The following KRT9 variants were observed in gnomAD, a reference collection of about 807,000 sequenced individuals.
The protein encoded by KRT9 is keratin 9.
A neutral mutation model predicts 51.4 loss-of-function variants in KRT9; 34 were observed. The ratio of observed to expected loss-of-function variants is 0.66; its 90% CI spans 0.50 to 0.88. The LOEUF (loss-of-function observed/expected upper bound fraction) is 0.88, where lower values mean the gene tolerates loss of function less well. Among genes scored for constraint, KRT9 ranks in the 40% least tolerant of loss-of-function variants. The probability of loss-of-function intolerance (pLI) is 0.00; values close to 1 mark genes in which losing one functional copy is unlikely to be tolerated. For synonymous variants in KRT9, 292 were observed against 289.7 expected (o/e 1.01, Z -0.08); for missense variants, 753 against 790.3 (o/e 0.95, Z 0.57).
intron 4 of KRT9, 85 bp downstream of exon 4, chr17:41,569,341 G>A (rs965491361): frequency 3.1e-6 from 4 of 1,310,772 alleles, no homozygotes; most frequent in Non-Finnish European, 4.3e-6. Context: ...GCAGAGATAG[G>A]AGGATGAAGG....
rs766598786 is a variant in KRT9 at position 41,571,924 on chromosome 17, G to T, written c.69C>A (p.Gly23=). 6.3e-7 allele frequency: 1 copy of T among 1,583,402 alleles called. No homozygotes were observed. The highest frequency in any genetic ancestry group is 1.8e-5 in the Admixed American group (1 of 56,342). The part of the protein sequence containing the change: ...RSGGGGGGGL[G]SGGSIRSSYS... Reference sequence around the variant, plus strand: ...AGGAAGACCTTATGCTGCCCCCGCTGCCCAGGCCGCCCCCGCCACCCCCGC... The same window carrying T: ...AGGAAGACCTTATGCTGCCCCCGCTTCCCAGGCCGCCCCCGCCACCCCCGC... Residue 23 remains glycine, a synonymous_variant, in exon 1 of 8, where the codon GGC becomes GGA. Transcript: ENST00000246662.
At position 41,571,606 on chromosome 17, in the gene KRT9, A is replaced by C. The variant is rs1597794685; in HGVS notation, c.387T>G (p.Ser129Arg). The C allele has an allele frequency of 6.2e-7, 1 of 1,601,622 alleles. No homozygotes were observed. Among genetic ancestry groups the C allele is most frequent in the African/African-American group, 1.4e-5 (1 of 73,122 alleles). ...CAAAGCCCCCAAACCCCCCAAACCC[A>C]CTCCCATAGCCACCACCAAAGCCAC... ...SGGGFGGGYG[S>R]GFGGFGGFGG... The change falls in exon 1 of 8, where the codon AGT becomes AGG. Residue 129 changes from serine to arginine, a missense_variant. Ser to Arg is a moderately radical substitution (Grantham distance 110, BLOSUM62 -1). Around this residue, in one of 3 missense-constraint regions of KRT9, gnomAD observed 241 missense variants for 210.3 expected, o/e 1.15. Coordinates refer to ENST00000246662, the MANE Select transcript of KRT9 (RefSeq NM_000226.4).
intron 7 of KRT9, among the ~76,000 whole-genome samples, chr17:41,566,544 TC>T (rs1178039660): frequency 6.6e-6 from 1 of 152,220 alleles, no homozygotes; most frequent in Non-Finnish European, 1.5e-5. Context: ...GCAGGGCAGC[TC>T]CCAAGCACCT....
chr17:41,567,622 C>T lies in KRT9; in HGVS notation c.1523G>A (p.Gly508Glu). The T allele has an allele frequency of 6.3e-7, 1 of 1,578,638 alleles. No homozygotes were observed. Among genetic ancestry groups the T allele is most frequent in the Non-Finnish European group, 8.6e-7 (1 of 1,162,614 alleles). ...GGGGSGGGYGGGSGSRGGSGG... is the reference protein window; with the variant it reads ...GGGGSGGGYGEGSGSRGGSGG... ...ACTTCCTCCCCTGGACCCACTTCCT[C>T]CACCATAGCCACCTCCACTTCCTCC... Residue 508 changes from glycine (G) to glutamate (E), a missense_variant, in exon 7 of 8, where the codon GGA becomes GAA. Around this residue, in one of 3 missense-constraint regions of KRT9, gnomAD observed 507 missense variants for 563.7 expected, o/e 0.90. Transcript: ENST00000246662.
chr17:41,571,594 C>T lies in KRT9; in HGVS notation c.399G>A (p.Gly133=), dbSNP rs1200931326. 6.3e-6 allele frequency: 10 copies of T among 1,598,778 alleles called. No individual in the cohort carries two copies. The highest frequency in any genetic ancestry group is 1.3e-5 in the African/African-American group (1 of 74,396). The change falls in exon 1 of 8, where the codon GGG becomes GGA. Residue 133 remains glycine, a synonymous_variant. Transcript: ENST00000246662. ...CAGCACCACCTCCAAAGCCCCCAAA[C>T]CCCCCAAACCCACTCCCATAGCCAC... ...FGGGYGSGFG[G]FGGFGGGAGG... is the part of the protein sequence containing the mutation.
Position 41,567,632 on chromosome 17 carries a change from C to T in KRT9, c.1513G>A (p.Gly505Ser), listed in dbSNP as rs1268201466. 3 of 1,588,756 alleles carry T rather than the reference C, an allele frequency of 1.9e-6. No homozygotes were observed. In the African/African-American group the frequency reaches 4.0e-5, roughly 21 times the overall value. ...GSYGGGGSGGGYGGGSGSRGG... is the reference protein window; with the variant it reads ...GSYGGGGSGGSYGGGSGSRGG... ...CTGGACCCACTTCCTCCACCATAGC[C>T]ACCTCCACTTCCTCCTCCACCATAG... is the stretch of plus-strand genomic sequence containing the variant. The change falls in exon 7 of 8, where the codon GGC becomes AGC. Residue 505 changes from glycine (G) to serine (S), a missense_variant. Physicochemically the swap from Gly to Ser is moderately conservative, Grantham distance 56. Around this residue, in one of 3 missense-constraint regions of KRT9, gnomAD observed 507 missense variants for 563.7 expected, o/e 0.90. Transcript: ENST00000246662.
rs139614862 is a variant in KRT9 at position 41,566,615 on chromosome 17, A to G, written c.*41-463T>C. ...TTACCCAGGCTTTTCCTATAATTTC[A>G]TATTACATTTTTATTTTATAAAATT... On this transcript the variant is annotated intron_variant, in intron 7 of 7. Transcript: ENST00000246662. Among the ~76,000 whole-genome samples, 1,413 of 152,346 alleles carry G rather than the reference A, an allele frequency of 9.3e-3. 17 individuals are homozygous for G. The highest frequency in any genetic ancestry group is 0.03 in the African/African-American group (1,248 of 41,578).
intron 6 of KRT9, 43 bp from the exon 7 acceptor site, chr17:41,567,793 C>A: frequency 6.2e-7 from 1 of 1,613,028 alleles, no homozygotes; most frequent in Non-Finnish European, 8.5e-7. Flanking sequence ...GAGCGGCCCC[C>A]ATACACATAT....
At position 41,571,871 on chromosome 17, in the gene KRT9, C is replaced by T; in HGVS notation, c.122G>A (p.Gly41Asp). Reference protein sequence around the residue: ...SYSRFSSSGGGGGGGRFSSSS... With the variant: ...SYSRFSSSGGDGGGGRFSSSS... Reference sequence around the variant, plus strand: ...AGAGCTGAATCGGCCCCCTCCTCCACCGCCCCCTGAGGAGCTGAAGCGGCT... The same window carrying T: ...AGAGCTGAATCGGCCCCCTCCTCCATCGCCCCCTGAGGAGCTGAAGCGGCT... Residue 41 changes from glycine to aspartate, a missense_variant, in exon 1 of 8, where the codon GGT becomes GAT. Transcript: ENST00000246662. 4 of 1,612,154 alleles carry T rather than the reference C, an allele frequency of 2.5e-6. No individual in the cohort carries two copies. Among genetic ancestry groups the T allele is most frequent in the South Asian group, 2.2e-5 (2 of 90,806 alleles).
rs768226070 is a variant in KRT9 at position 41,571,585 on chromosome 17, GCCCCCAAAC to G, written c.399_407del (p.Phe137_Gly139del). On this transcript the variant is annotated inframe_deletion, in exon 1 of 8. Transcript: ENST00000246662. ...CACCTCCTCCAGCACCACCTCCAAAGCCCCCAAACCCCCCAAACCCACTCCCATAGCCAC... is the reference window on the plus strand; with the variant it reads ...CACCTCCTCCAGCACCACCTCCAAAGCCCCCAAACCCACTCCCATAGCCAC... 1 of 1,599,578 alleles carries G rather than the reference GCCCCCAAAC, an allele frequency of 6.3e-7. No individual in the cohort carries two copies. Among genetic ancestry groups the G allele is most frequent in the Non-Finnish European group, 8.5e-7 (1 of 1,169,768 alleles).
rs573137872 is a variant in KRT9 at position 41,568,080 on chromosome 17, A to C, written c.1394+82T>G. 1.6e-3 allele frequency: 2,036 copies of C among 1,265,178 alleles called. 2 individuals are homozygous for C. Among genetic ancestry groups the C allele is most frequent in the Non-Finnish European group, 2.0e-3 (1,789 of 879,218 alleles). 78.4% of individuals were successfully genotyped at this position (1,265,178 alleles called of 1,614,324 possible). On this transcript the variant is annotated intron_variant, in intron 6 of 7. Coordinates refer to ENST00000246662, the MANE Select transcript of KRT9 (RefSeq NM_000226.4). ...GACCCTGTGTATAAGAACTTCCCCCAGCTGCCTCTATCCAGAGGGACAGAA... is the reference window on the plus strand; with the variant it reads ...GACCCTGTGTATAAGAACTTCCCCCCGCTGCCTCTATCCAGAGGGACAGAA...
Position 41,568,220 on chromosome 17 carries a change from G to A in KRT9, c.1336C>T (p.Arg446Trp), listed in dbSNP as rs201551901. 1.8e-4 allele frequency: 295 copies of A among 1,613,840 alleles called. No individual in the cohort carries two copies. Among genetic ancestry groups the A allele is most frequent in the Non-Finnish European group, 2.3e-4 (272 of 1,180,002 alleles). ...EYSLLLSIKMRLEKEIETYHN... is the reference protein window; with the variant it reads ...EYSLLLSIKMWLEKEIETYHN... ...TAGGTCTCGATTTCCTTCTCCAGCCGCATCTTAATGCTGAGCAGAAGGCTG... is the reference window on the plus strand; with the variant it reads ...TAGGTCTCGATTTCCTTCTCCAGCCACATCTTAATGCTGAGCAGAAGGCTG... Residue 446 changes from arginine (R) to tryptophan (W), a missense_variant, in exon 6 of 8, where the codon CGG becomes TGG. Physicochemically the swap from Arg to Trp is moderately radical, Grantham distance 101. Transcript: ENST00000246662.
rs1315001320 is a variant in KRT9, at chr17:41,568,312, T to G, written c.1244A>C (p.Gln415Pro). ...YCGQLQMIQEQISNLEAQITD... is the reference protein window; with the variant it reads ...YCGQLQMIQEPISNLEAQITD... ...GATCTGGGCCTCCAAGTTACTGATC[T>G]GCTCCTGGATCATCTGCAGCTGGCC... Residue 415 changes from glutamine to proline, a missense_variant, in exon 6 of 8, where the codon CAG (glutamine) becomes CCG (proline). By Grantham distance (76) the Gln-to-Pro change is moderately conservative. Transcript: ENST00000246662. 6.2e-7 allele frequency: 1 copy of G among 1,614,248 alleles called. No individual in the cohort carries two copies. Among genetic ancestry groups the G allele is most frequent in the Non-Finnish European group, 8.5e-7 (1 of 1,180,038 alleles).
rs1160833434 is a variant in KRT9 at position 41,571,609 on chromosome 17, C to T, written c.384G>A (p.Gly128=). 2 of 1,606,076 alleles carry T rather than the reference C, an allele frequency of 1.2e-6. No homozygotes were observed. The highest frequency in any genetic ancestry group is 2.3e-5 in the East Asian group (1 of 44,392). The part of the protein sequence containing the change: ...GSGGGFGGGY[G]SGFGGFGGFG... ...AGCCCCCAAACCCCCCAAACCCACTCCCATAGCCACCACCAAAGCCACCTC... is the reference window on the plus strand; with the variant it reads ...AGCCCCCAAACCCCCCAAACCCACTTCCATAGCCACCACCAAAGCCACCTC... Residue 128 remains glycine (G), a synonymous_variant, in exon 1 of 8, where the codon GGG becomes GGA. Coordinates refer to ENST00000246662, the MANE Select transcript of KRT9 (RefSeq NM_000226.4).
rs752762670 is a variant in KRT9, at chr17:41,570,001, TG to T, written c.739del (p.Gln247LysfsTer21). The T allele has an allele frequency of 6.2e-7, 1 of 1,614,200 alleles. No individual in the cohort carries two copies. The highest frequency in any genetic ancestry group is 1.1e-5 in the South Asian group (1 of 91,086). On this transcript the variant is annotated frameshift_variant, in exon 3 of 8. Transcript: ENST00000246662. LOFTEE classifies it high-confidence loss of function. Reference protein sequence around the residue: ...DDFRIKFEMEQNLRQGVDADI... With the variant: ...DDFRIKFEMEXNLRQGVDADI... Reference sequence around the variant, plus strand: ...AGCATCCACTCCTTGCCGCAGGTTTTGCTCCATCTCAAACCTGCAGACCAGC... The same window carrying T: ...AGCATCCACTCCTTGCCGCAGGTTTTCTCCATCTCAAACCTGCAGACCAGC...
chr17:41,568,719 C>T (rs546616862), intron 4 of KRT9, 86 bp from the exon 5 acceptor site: 2 of 1,558,106 alleles, frequency 1.3e-6, no homozygotes, highest in Non-Finnish European at 1.8e-6. Flanking sequence ...GGATCTTCAC[C>T]TCCAGGGCCA....
intron 1 of KRT9, 106 bp downstream of exon 1, chr17:41,571,245 G>A (rs1047171511): frequency 1.9e-6 from 2 of 1,049,330 alleles, no homozygotes; most frequent in African/African-American, 1.6e-5. Flanking sequence ...CCAAAAGGTG[G>A]ATTCCCTGGC....
At chr17:41,571,263 T>G in intron 1 of KRT9, 88 bp downstream of exon 1, 1 of 1,203,962 alleles carries the variant, frequency 8.3e-7, no homozygotes, top group Non-Finnish European at 1.2e-6. Context: ...GGCTATTATC[T>G]GAGCTTAGAG....
chr17:41,568,603 T>C lies in KRT9; in HGVS notation c.1075A>G (p.Ser359Gly), dbSNP rs536042183. ...GCACTGGACTGCACCTCCTGACCAC[T>C]ACTGGATACCTCATGCTCGATCTGG... ...ITQIEHEVSSSGQEVQSSAKE... is the reference protein window; with the variant it reads ...ITQIEHEVSSGGQEVQSSAKE... Residue 359 changes from serine to glycine, a missense_variant, in exon 5 of 8, where the codon AGT becomes GGT. This residue lies in a region of KRT9 where 507 missense variants were observed against 563.7 expected (regional missense o/e 0.90). Coordinates refer to ENST00000246662, the MANE Select transcript of KRT9 (RefSeq NM_000226.4). 1 of 1,614,128 alleles carries C rather than the reference T, an allele frequency of 6.2e-7. No homozygotes were observed. Among genetic ancestry groups the C allele is most frequent in the Middle Eastern group, 1.6e-4 (1 of 6,062 alleles).
Sources: allele counts gnomAD v4.1 joint callset (sites outside exome capture counted in the v4.1 genomes callset), GRCh38; gene constraint gnomAD v4.1.1; regional missense constraint gnomAD v4.1.1; transcripts MANE v1.5; gene names NCBI Gene and HGNC (gene_info 2026-07-23, HGNC 2026-07-21).